The following SGCD variants were observed in gnomAD, a reference collection of about 807,000 sequenced individuals.
The protein encoded by SGCD is delta-sarcoglycan.
A neutral mutation model predicts 36.6 loss-of-function variants in SGCD; 18 were observed. That is an observed-to-expected ratio of 0.49 (90% confidence interval 0.34 to 0.73). The LOEUF (loss-of-function observed/expected upper bound fraction) is 0.73. Among genes scored for constraint, SGCD ranks in the 30% least tolerant of loss-of-function variants. SGCD has a pLI of 0.01. For missense variants in SGCD, 387 were observed against 346.7 expected (o/e 1.12, Z -0.92); for synonymous variants, 133 against 130.6 (o/e 1.02, Z -0.12).
intron 1 of SGCD, among the ~76,000 whole-genome samples, chr5:156,085,146 T>A (rs1761061920): frequency 6.6e-6 from 1 of 152,120 alleles, no homozygotes; most frequent in Non-Finnish European, 1.5e-5. Context: ...GAGATACTTG[T>A]CTGTAGCTTT....
intron 4 of SGCD, among the ~76,000 whole-genome samples, chr5:156,558,124 T>TATATATATATATATATATATATATA (rs56288003): frequency 1.6e-5 from 2 of 123,612 alleles, no homozygotes; most frequent in Non-Finnish European, 3.4e-5. Context: ...TATATATATA[T>TATATATATATATATATATATATATA]TATTTAACTC....
intron 3 of SGCD, among the ~76,000 whole-genome samples, chr5:156,363,361 T>C (rs1769911526): frequency 6.6e-6 from 1 of 152,186 alleles, no homozygotes; most frequent in African/African-American, 2.4e-5. Flanking sequence ...GCAACCCACG[T>C]TTCATGTTTT....
intron 7 of SGCD, among the ~76,000 whole-genome samples, chr5:156,655,811 G>C (rs1044699037): frequency 6.6e-6 from 1 of 150,430 alleles, no homozygotes; most frequent in African/African-American, 2.4e-5. Flanking sequence ...CTTATTCACT[G>C]TTTTTTTTTC....
intron 3 of SGCD, among the ~76,000 whole-genome samples, chr5:156,477,501 G>A (rs1029623695): frequency 2.6e-5 from 4 of 152,124 alleles, no homozygotes; most frequent in African/African-American, 9.7e-5. Flanking sequence ...TAAAAGGAAA[G>A]GGAAGTATTC....
At chr5:156,052,514 G>T (rs1759945700) in intron 1 of SGCD, among the ~76,000 whole-genome samples, 2 of 146,154 alleles carry the variant, frequency 1.4e-5, no homozygotes, top group South Asian at 4.3e-4. Flanking sequence ...GTTGGGCCAG[G>T]GCTAGTTGGA....
intron 1 of SGCD, among the ~76,000 whole-genome samples, chr5:156,035,109 C>A (rs1040108398): frequency 6.6e-6 from 1 of 152,144 alleles, no homozygotes; most frequent in African/African-American, 2.4e-5. Context: ...GGAATCAAGG[C>A]TCTTCAAAGG....
At chr5:156,254,120 G>A (rs1423790506) in intron 3 of SGCD, among the ~76,000 whole-genome samples, 2 of 151,908 alleles carry the variant, frequency 1.3e-5, no homozygotes, top group African/African-American at 2.4e-5. Flanking sequence ...CTAGAAATCC[G>A]ATACAATTGT....
At chr5:156,545,013 C>CT (rs1411592488) in intron 4 of SGCD, among the ~76,000 whole-genome samples, 2 of 152,152 alleles carry the variant, frequency 1.3e-5, no homozygotes, top group African/African-American at 2.4e-5. Context: ...GTTTTGTTTC[C>CT]TTTCAGCATG....
intron 1 of SGCD, among the ~76,000 whole-genome samples, chr5:156,094,859 G>T (rs1761337565): frequency 1.3e-5 from 2 of 152,080 alleles, no homozygotes; most frequent in African/African-American, 4.8e-5. Context: ...AAATTAGCTG[G>T]GCGTGGTGGC....
intron 3 of SGCD, among the ~76,000 whole-genome samples, chr5:156,205,891 T>A (rs1413314380): frequency 6.6e-6 from 1 of 151,614 alleles, no homozygotes; most frequent in African/African-American, 2.4e-5. Context: ...TGCTTAAGCA[T>A]CCCTAGACCT....
intron 1 of SGCD, among the ~76,000 whole-genome samples, chr5:155,968,631 T>C (rs1581017797): frequency 6.6e-6 from 1 of 152,132 alleles, no homozygotes; most frequent in East Asian, 1.9e-4. Context: ...AATAACATAG[T>C]GTATATAGAG....
At chr5:156,704,799 A>G (rs1020328041) in intron 7 of SGCD, among the ~76,000 whole-genome samples, 2 of 152,092 alleles carry the variant, frequency 1.3e-5, no homozygotes, top group East Asian at 3.9e-4. Context: ...ATTTTCCCTC[A>G]TTTTATTATT....
intron 1 of SGCD, among the ~76,000 whole-genome samples, chr5:156,112,672 AC>A (rs1761815294): frequency 6.6e-6 from 1 of 152,166 alleles, no homozygotes; most frequent in Admixed American, 6.6e-5. Context: ...TGCCCCTTCT[AC>A]AGTTTAGGAA....
At chr5:156,034,815 C>A (rs1759448368) in intron 1 of SGCD, among the ~76,000 whole-genome samples, 1 of 152,156 alleles carries the variant, frequency 6.6e-6, no homozygotes, top group Non-Finnish European at 1.5e-5. Context: ...AGTACAGTGC[C>A]TCATGCATAG....
chr5:156,429,464 C>T (rs1190401177), intron 3 of SGCD, among the ~76,000 whole-genome samples: 1 of 151,760 alleles, frequency 6.6e-6, no homozygotes, highest in Non-Finnish European at 1.5e-5. Context: ...TTTATCCATT[C>T]TGCCATTCTG....
chr5:156,324,150 A>G (rs2127697830), upstream of SGCD, among the ~76,000 whole-genome samples: 1 of 152,360 alleles, frequency 6.6e-6, no homozygotes, highest in African/African-American at 2.4e-5. Context: ...ACTGGTTCCA[A>G]GAACATTTGA....
intron 1 of SGCD, among the ~76,000 whole-genome samples, chr5:156,067,851 A>G (rs915597706): frequency 2.9e-5 from 4 of 139,942 alleles, no homozygotes; most frequent in African/African-American, 1.3e-4. Flanking sequence ...GGCACTCCCT[A>G]GAGAGATGAA....
At chr5:156,598,180 T>C (rs1761013128) in intron 6 of SGCD, among the ~76,000 whole-genome samples, 1 of 152,220 alleles carries the variant, frequency 6.6e-6, no homozygotes, top group African/African-American at 2.4e-5. Context: ...TTTGTAGAAA[T>C]GGCATTTTCT....
the SGCD span, among the ~76,000 whole-genome samples, chr5:155,807,881 A>G: frequency 1.4e-3 from 206 of 152,358 alleles, 2 homozygotes; most frequent in African/African-American, 4.5e-3. Flanking sequence ...ACCTTGGGGT[A>G]GGATGGAGGA....
Sources: gnomAD v4.1 joint callset for allele counts (sites outside exome capture counted in the v4.1 genomes callset) on GRCh38, gnomAD v4.1.1 for gene constraint, MANE v1.5 for transcripts, NCBI Gene and HGNC (gene_info 2026-07-23, HGNC 2026-07-21) for gene names.